The following LIPA variants were observed in gnomAD, a reference collection of about 807,000 sequenced individuals.
LIPA encodes lysosomal acid lipase/cholesteryl ester hydrolase.
Under a neutral mutation model 40.6 loss-of-function variants are expected in LIPA, and 26 were observed. That is an observed-to-expected ratio of 0.64 (90% confidence interval 0.47 to 0.89). LIPA has a LOEUF of 0.89. Ranked by LOEUF, LIPA falls within the 40% of genes least tolerant of loss-of-function variation. The probability of loss-of-function intolerance (pLI) is 0.00; values close to 1 mark genes in which losing one functional copy is unlikely to be tolerated. For missense variants in LIPA, 455 were observed against 479.6 expected, an observed-to-expected ratio of 0.95 and a Z score of 0.48; for synonymous variants, 188 against 168.4, an observed-to-expected ratio of 1.12 and a Z score of -0.90.
At chr10:89,225,595 C>G (rs1420770108) in intron 5 of LIPA, among the ~76,000 whole-genome samples, 2 of 152,164 alleles carry the variant, frequency 1.3e-5, no homozygotes, top group Non-Finnish European at 2.9e-5. Flanking sequence ...TGCCCCTCCC[C>G]CAAAGAACAA....
intron 1 of LIPA, among the ~76,000 whole-genome samples, chr10:89,294,443 G>A (rs1485218497): frequency 1.3e-5 from 2 of 152,152 alleles, no homozygotes; most frequent in Non-Finnish European, 2.9e-5. Context: ...GGTAAATAGG[G>A]GGTGAGGGTG....
At chr10:89,339,205 G>A (rs1339897136) in intron 1 of LIPA, 1 of 1,614,194 alleles carries the variant, frequency 6.2e-7, no homozygotes, top group Admixed American at 1.7e-5. Flanking sequence ...GTACCATCTG[G>A]ATAATCACCC....
At chr10:89,288,166 C>G (rs904261272) in intron 1 of LIPA, among the ~76,000 whole-genome samples, 1 of 152,120 alleles carries the variant, frequency 6.6e-6, no homozygotes, top group Non-Finnish European at 1.5e-5. Context: ...AACACATGTG[C>G]TCTCCCTGCT....
At chr10:89,393,520 G>A (rs1008337936) in intron 2 of LIPA, among the ~76,000 whole-genome samples, 2 of 152,220 alleles carry the variant, frequency 1.3e-5, no homozygotes, top group African/African-American at 4.8e-5. Context: ...ATCGCCTGAG[G>A]TCAGGAGTTG....
intron 1 of LIPA, among the ~76,000 whole-genome samples, chr10:89,278,997 T>C (rs1017359694): frequency 6.6e-6 from 1 of 152,194 alleles, no homozygotes; most frequent in South Asian, 2.1e-4. Context: ...TTACCAACAA[T>C]TGCTTGTAGC....
intron 1 of LIPA, among the ~76,000 whole-genome samples, chr10:89,300,741 CT>C (rs1843440564): frequency 6.6e-6 from 1 of 152,028 alleles, no homozygotes; most frequent in African/African-American, 2.4e-5. Context: ...AATCCCAGAA[CT>C]TTGGCAGGCC....
intron 1 of LIPA, chr10:89,306,760 A>T: frequency 6.2e-7 from 1 of 1,614,148 alleles, no homozygotes; most frequent in Non-Finnish European, 8.5e-7. Flanking sequence ...AAGCGATTGA[A>T]CTGCTTAAAA....
At chr10:89,257,757 C>G (rs1227591872) in intron 1 of LIPA, among the ~76,000 whole-genome samples, 1 of 152,178 alleles carries the variant, frequency 6.6e-6, no homozygotes, top group Non-Finnish European at 1.5e-5. Flanking sequence ...TCTCATCTGG[C>G]AGTAGGAATT....
At chr10:89,406,864 G>C (rs552493467) in intron 2 of LIPA, among the ~76,000 whole-genome samples, 6 of 152,106 alleles carry the variant, frequency 3.9e-5, no homozygotes, top group Non-Finnish European at 8.8e-5. Context: ...AGGGACTATC[G>C]CCTATCACCT....
chr10:89,384,922 G>A, intron 2 of LIPA: 1 of 568,348 alleles, frequency 1.8e-6, no homozygotes, highest in Non-Finnish European at 3.1e-6. Flanking sequence ...TAAATGATCA[G>A]GAAAGGCCTT....
Position 89,371,022 on chromosome 10 carries a change from A to G in LIPA, c.61+41769T>C, listed in dbSNP as rs964405703. 2.0e-5 allele frequency among the ~76,000 whole-genome samples: 3 copies of G among 149,364 alleles called. No individual in the cohort carries two copies. The Admixed American group carries it at 2.4e-4, about 12-fold the overall frequency. On this transcript the variant is annotated intron_variant, in intron 2 of 8. Coordinates refer to the LIPA transcript ENST00000371837. ...GACAGAGTGAGACTCTGTCTCAAAA[A>G]AACAAACAAACAAACAAAAAATTTT... is the stretch of plus-strand genomic sequence containing the variant.
In LIPA at chr10:89,339,846, G is replaced by C. The variant is rs190798694; in HGVS notation, c.-2+2765C>G. ...GCAAAAAATCAACTGACAAGGAAGA[G>C]ATCAAAGACCAACCACAGAATGTAT... On this transcript the variant is annotated intron_variant, in intron 1 of 5. Coordinates refer to the LIPA transcript ENST00000282673. 175 of 1,614,200 alleles carry C rather than the reference G, an allele frequency of 1.1e-4. No individual in the cohort carries two copies. The East Asian group carries it at 3.8e-3, about 35-fold the overall frequency.
intron 1 of LIPA, among the ~76,000 whole-genome samples, chr10:89,321,604 C>T (rs1041399976): frequency 4.6e-5 from 7 of 152,196 alleles, no homozygotes; most frequent in African/African-American, 1.2e-4. Flanking sequence ...AATAGGAACA[C>T]TTTTACACTG....
chr10:89,275,778 G>GT (rs1180500303), intron 1 of LIPA, among the ~76,000 whole-genome samples: 3 of 152,084 alleles, frequency 2.0e-5, no homozygotes, highest in African/African-American at 4.8e-5. Flanking sequence ...TTAAGCCTCA[G>GT]TTTTTTTAAA....
intron 2 of LIPA, among the ~76,000 whole-genome samples, chr10:89,355,739 T>A (rs1378806878): frequency 6.6e-6 from 1 of 152,226 alleles, no homozygotes; most frequent in African/African-American, 2.4e-5. Flanking sequence ...GAAAATGACC[T>A]CTGGTCATCC....
chr10:89,329,530 A>G (rs978725016), intron 1 of LIPA, among the ~76,000 whole-genome samples: 8 of 152,104 alleles, frequency 5.3e-5, no homozygotes, highest in Non-Finnish European at 1.0e-4. Context: ...CAGAGGCTAT[A>G]GGAACAGGAA....
intron 3 of LIPA, among the ~76,000 whole-genome samples, chr10:89,233,212 G>A (rs187272359): frequency 2.9e-4 from 44 of 152,326 alleles, no homozygotes; most frequent in Non-Finnish European, 5.4e-4. Flanking sequence ...AAAAGATGCA[G>A]CAGATGGGAA....
At chr10:89,408,230 T>A (rs1841441770) in intron 2 of LIPA, among the ~76,000 whole-genome samples, 1 of 152,184 alleles carries the variant, frequency 6.6e-6, no homozygotes, top group Non-Finnish European at 1.5e-5. Context: ...CTGGCCCCAA[T>A]ATTCTCTCTC....
chr10:89,355,382 CCT>C (rs1470129292), intron 2 of LIPA, among the ~76,000 whole-genome samples: 1 of 152,200 alleles, frequency 6.6e-6, no homozygotes, highest in Non-Finnish European at 1.5e-5. Context: ...GATCTCATTC[CCT>C]GTCATAATTT....
Sources: gnomAD v4.1 joint callset for allele counts (sites outside exome capture counted in the v4.1 genomes callset) on GRCh38, gnomAD v4.1.1 for gene constraint, MANE v1.5 for transcripts, NCBI Gene and HGNC (gene_info 2026-07-23, HGNC 2026-07-21) for gene names.